SOX5: variants seen among roughly 807,000 people sequenced by gnomAD.
SOX5 encodes transcription factor SOX-5.
A neutral mutation model predicts 92.0 loss-of-function variants in SOX5; 9 were observed. The ratio of observed to expected loss-of-function variants is 0.10; its 90% CI spans 0.06 to 0.17. The LOEUF is 0.17. Among genes scored for constraint, SOX5 ranks in the 10% least tolerant of loss-of-function variants. SOX5 has a pLI of 1.00. For synonymous variants in SOX5, 344 were observed against 336.3 expected (o/e 1.02, Z -0.25); for missense variants, 642 against 944.5 (o/e 0.68, Z 4.20).
At chr12:23,551,495 ATG>A (rs778054460) in intron 11 of SOX5, among the ~76,000 whole-genome samples, 16 of 151,960 alleles carry the variant, frequency 1.1e-4, no homozygotes, top group South Asian at 4.1e-4. Flanking sequence ...TATAAACTAT[ATG>A]TGTGTGCACA....
At chr12:24,076,138 T>C (rs1276544234) in intron 4 of SOX5, among the ~76,000 whole-genome samples, 1 of 152,168 alleles carries the variant, frequency 6.6e-6, no homozygotes, top group Non-Finnish European at 1.5e-5. Context: ...CCAACATGTG[T>C]GGCATCTAGC....
At chr12:24,143,859 A>G (rs796914024) in intron 4 of SOX5, among the ~76,000 whole-genome samples, 20 of 151,620 alleles carry the variant, frequency 1.3e-4, no homozygotes, top group African/African-American at 4.6e-4. Context: ...AGGAAAGAAG[A>G]AGGAGGAGAA....
chr12:23,554,246 C>T (rs190029118), intron 11 of SOX5, among the ~76,000 whole-genome samples: 9 of 151,714 alleles, frequency 5.9e-5, no homozygotes, highest in Admixed American at 3.3e-4. Context: ...GGGTTTGGTG[C>T]GCAGTGAAGA....
chr12:24,002,471 A>G (rs887056349), intron 4 of SOX5, among the ~76,000 whole-genome samples: 1 of 151,820 alleles, frequency 6.6e-6, no homozygotes. Context: ...TAGATGATGA[A>G]AGCGAAAAAT....
At chr12:24,416,988 G>T (rs1433230164) in intron 1 of SOX5, among the ~76,000 whole-genome samples, 1 of 152,162 alleles carries the variant, frequency 6.6e-6, no homozygotes, top group Admixed American at 6.5e-5. Context: ...CATCGTAGGG[G>T]TGACTGCTCA....
intron 4 of SOX5, among the ~76,000 whole-genome samples, chr12:24,104,184 T>C (rs1946411652): frequency 1.3e-5 from 2 of 152,178 alleles, no homozygotes; most frequent in African/African-American, 2.4e-5. Context: ...TGTATGTCAA[T>C]AATGGAAATG....
intron 2 of SOX5, among the ~76,000 whole-genome samples, chr12:24,332,916 C>A (rs1451588473): frequency 6.6e-6 from 1 of 152,044 alleles, no homozygotes; most frequent in Non-Finnish European, 1.5e-5. Flanking sequence ...GAAGTGTTGA[C>A]AGAGCCAAGA....
chr12:23,829,997 G>A (rs557586988), intron 3 of SOX5, among the ~76,000 whole-genome samples: 2 of 152,234 alleles, frequency 1.3e-5, no homozygotes, highest in East Asian at 3.9e-4. Flanking sequence ...GAATTTCTGA[G>A]CCTTTACAAT....
intron 8 of SOX5, among the ~76,000 whole-genome samples, chr12:23,637,273 A>G (rs1454123069): frequency 1.3e-5 from 2 of 152,196 alleles, no homozygotes; most frequent in Non-Finnish European, 2.9e-5. Flanking sequence ...CTGCTGCCTT[A>G]TCGAGTATAG....
intron 1 of SOX5, among the ~76,000 whole-genome samples, chr12:24,436,946 C>G (rs1043349597): frequency 2.0e-5 from 3 of 152,174 alleles, no homozygotes; most frequent in African/African-American, 7.2e-5. Context: ...ACAACAAAAC[C>G]TGCAGGACAG....
At chr12:24,479,199 A>G (rs1224306966) in intron 1 of SOX5, among the ~76,000 whole-genome samples, 2 of 152,162 alleles carry the variant, frequency 1.3e-5, no homozygotes, top group African/African-American at 4.8e-5. Flanking sequence ...CTTAATATGT[A>G]ATTCAAATGC....
chr12:23,990,514 G>A (rs547805939), intron 4 of SOX5, among the ~76,000 whole-genome samples: 29 of 152,184 alleles, frequency 1.9e-4, no homozygotes, highest in African/African-American at 6.7e-4. Context: ...TTTTAACTAC[G>A]ATGTATTTTG....
intron 1 of SOX5, among the ~76,000 whole-genome samples, chr12:24,488,353 C>G (rs1946727274): frequency 6.6e-6 from 1 of 152,094 alleles, no homozygotes; most frequent in African/African-American, 2.4e-5. Context: ...CTTTGAGAGG[C>G]CAAGGCAGGA....
intron 3 of SOX5, among the ~76,000 whole-genome samples, chr12:23,787,026 T>C (rs1051825324): frequency 2.8e-5 from 4 of 145,248 alleles, no homozygotes; most frequent in African/African-American, 1.0e-4. Flanking sequence ...GAGGAGATTA[T>C]TTTCTTCCAT....
chr12:23,570,091 C>G (rs952277918), intron 10 of SOX5, among the ~76,000 whole-genome samples: 2 of 152,142 alleles, frequency 1.3e-5, no homozygotes, highest in Non-Finnish European at 2.9e-5. Flanking sequence ...ATGAATTTAA[C>G]AGATGATATT....
intron 6 of SOX5, among the ~76,000 whole-genome samples, chr12:23,676,185 CT>C (rs1036835822): frequency 6.6e-6 from 1 of 151,914 alleles, no homozygotes; most frequent in African/African-American, 2.4e-5. Context: ...AAATTATATA[CT>C]GAAAATTTGC....
intron 9 of SOX5, chr12:23,584,729 G>A (rs1263609582): frequency 4.8e-6 from 3 of 631,126 alleles, no homozygotes; most frequent in Non-Finnish European, 8.5e-6. Context: ...GGACAGGTGT[G>A]AGTGTGTGTG....
chr12:23,906,626 C>T (rs922986401), intron 1 of SOX5, among the ~76,000 whole-genome samples: 8 of 152,208 alleles, frequency 5.3e-5, no homozygotes, highest in African/African-American at 1.9e-4. Context: ...CCACATACCC[C>T]ATTCCTGGGA....
At chr12:23,975,347 TAA>T (rs1369141914) in intron 4 of SOX5, among the ~76,000 whole-genome samples, 1 of 150,734 alleles carries the variant, frequency 6.6e-6, no homozygotes, top group African/African-American at 2.4e-5. Flanking sequence ...ATACTTTTTT[TAA>T]AAAAAAAAAT....
Sources: gnomAD v4.1 joint callset for allele counts (sites outside exome capture counted in the v4.1 genomes callset) on GRCh38, gnomAD v4.1.1 for gene constraint, MANE v1.5 for transcripts, NCBI Gene and HGNC (gene_info 2026-07-23, HGNC 2026-07-21) for gene names.